Variants in SPRED1 observed in about 807,000 individuals in gnomAD.
The protein encoded by SPRED1 is sprouty-related, EVH1 domain-containing protein 1.
Under a neutral mutation model 52.3 loss-of-function variants are expected in SPRED1, and 18 were observed. The ratio of observed to expected loss-of-function variants is 0.34; its 90% CI spans 0.24 to 0.51. SPRED1 has a LOEUF of 0.51. SPRED1 is among the 20% of genes least tolerant of loss of function. The probability of loss-of-function intolerance (pLI) is 0.97; values close to 1 mark genes in which losing one functional copy is unlikely to be tolerated. For missense variants in SPRED1, 485 were observed against 551.0 expected (o/e 0.88, Z 1.20); for synonymous variants, 155 against 179.7 (o/e 0.86, Z 1.10).
At chr15:38,288,876 A>T (rs1220936871) in intron 1 of SPRED1, among the ~76,000 whole-genome samples, 1 of 152,182 alleles carries the variant, frequency 6.6e-6, no homozygotes, top group African/African-American at 2.4e-5. Context: ...AGGCTACATT[A>T]TCTGCAGTGA....
At chr15:38,269,015 C>G (rs895347507) in intron 1 of SPRED1, among the ~76,000 whole-genome samples, 2 of 149,534 alleles carry the variant, frequency 1.3e-5, no homozygotes, top group Admixed American at 1.3e-4. Context: ...ATCTCGGCTA[C>G]TGCAAGCCCC....
chr15:38,276,087 C>CA (rs1438271103), intron 1 of SPRED1, among the ~76,000 whole-genome samples: 3 of 151,886 alleles, frequency 2.0e-5, no homozygotes, highest in African/African-American at 7.3e-5. Context: ...TATTTCAATG[C>CA]AAAAAATAGT....
chr15:38,278,829 T>TTTTTTTTTG (rs1484861683), intron 1 of SPRED1, among the ~76,000 whole-genome samples: 1 of 9,890 alleles, frequency 1.0e-4, no homozygotes, highest in Non-Finnish European at 5.5e-4. Context: ...AACTACACTG[T>TTTTTTTTTG]TTTTTTTTTT....
At chr15:38,263,093 TG>T (rs1447367157) in intron 1 of SPRED1, among the ~76,000 whole-genome samples, 1 of 152,158 alleles carries the variant, frequency 6.6e-6, no homozygotes, top group African/African-American at 2.4e-5. Context: ...TTGGAACTAT[TG>T]GGGACTCATA....
At chr15:38,289,209 G>A (rs1421790583) in intron 1 of SPRED1, among the ~76,000 whole-genome samples, 1 of 137,786 alleles carries the variant, frequency 7.3e-6, no homozygotes, top group African/African-American at 2.7e-5. Flanking sequence ...AAGAAAAACT[G>A]CAATCAGTGC....
intron 1 of SPRED1, among the ~76,000 whole-genome samples, chr15:38,286,805 T>A (rs1018054982): frequency 6.6e-6 from 1 of 152,166 alleles, no homozygotes; most frequent in Admixed American, 6.5e-5. Flanking sequence ...GTCTTTTGAT[T>A]GCCAGTTTAG....
At chr15:38,287,783 T>A (rs574254364) in intron 1 of SPRED1, among the ~76,000 whole-genome samples, 1 of 152,306 alleles carries the variant, frequency 6.6e-6, no homozygotes, top group African/African-American at 2.4e-5. Context: ...ATTTTGCCAT[T>A]TTATATCAGG....
chr15:38,315,183 T>C (rs1023389256), intron 2 of SPRED1, among the ~76,000 whole-genome samples: 5 of 151,958 alleles, frequency 3.3e-5, no homozygotes, highest in Admixed American at 3.3e-4. Context: ...AATCTGAATT[T>C]GGAATTATTA....
At chr15:38,331,875 A>G (rs937826738) in intron 4 of SPRED1, among the ~76,000 whole-genome samples, 8 of 152,224 alleles carry the variant, frequency 5.3e-5, no homozygotes, top group Non-Finnish European at 1.0e-4. Flanking sequence ...ATTTATAGGA[A>G]CTAATAATAA....
chr15:38,345,757 G>T (rs750819754), intron 5 of SPRED1, among the ~76,000 whole-genome samples: 7 of 152,164 alleles, frequency 4.6e-5, no homozygotes, highest in Non-Finnish European at 8.8e-5. Flanking sequence ...CACTTCAGTA[G>T]CCTGCCTTAC....
chr15:38,316,755 T>TTTG (rs1895491928), intron 2 of SPRED1, among the ~76,000 whole-genome samples: 1 of 146,832 alleles, frequency 6.8e-6, no homozygotes, highest in Non-Finnish European at 1.5e-5. Context: ...TATGTTTTTT[T>TTTG]TTTTTTTTTT....
At chr15:38,320,597 A>T (rs2140993600) in intron 2 of SPRED1, among the ~76,000 whole-genome samples, 1 of 152,254 alleles carries the variant, frequency 6.6e-6, no homozygotes, top group South Asian at 2.1e-4. Flanking sequence ...CATGGAAGAG[A>T]TGTGCAAGTG....
intron 2 of SPRED1, among the ~76,000 whole-genome samples, chr15:38,310,821 C>T (rs1895352055): frequency 1.3e-5 from 2 of 152,046 alleles, no homozygotes; most frequent in Non-Finnish European, 2.9e-5. Context: ...GTTCTTGTAT[C>T]CTGTTACATA....
At chr15:38,288,441 T>C (rs776476463) in intron 1 of SPRED1, among the ~76,000 whole-genome samples, 24 of 152,110 alleles carry the variant, frequency 1.6e-4, no homozygotes, top group Non-Finnish European at 2.9e-4. Flanking sequence ...TAATTTCAGA[T>C]AGTCATAGGC....
intron 1 of SPRED1, among the ~76,000 whole-genome samples, chr15:38,270,812 A>G (rs1307572113): frequency 6.6e-6 from 1 of 152,230 alleles, no homozygotes. Flanking sequence ...AAATGTATGT[A>G]TGTATGTATA....
At chr15:38,344,289 G>A (rs1471617229) in intron 5 of SPRED1, among the ~76,000 whole-genome samples, 1 of 152,182 alleles carries the variant, frequency 6.6e-6, no homozygotes, top group Non-Finnish European at 1.5e-5. Flanking sequence ...CACGGTGAAT[G>A]TAACACAGGG....
intron 1 of SPRED1, among the ~76,000 whole-genome samples, chr15:38,273,535 ATATATATATATATATATATATATG>A (rs1269996901): frequency 3.0e-4 from 1 of 3,362 alleles, no homozygotes; most frequent in Non-Finnish European, 1.3e-3. Flanking sequence ...ATATATATAT[ATATATATATATATATATATATATG>A]AATAATAGTT....
At chr15:38,277,439 A>T (rs2140961549) in intron 1 of SPRED1, among the ~76,000 whole-genome samples, 1 of 152,324 alleles carries the variant, frequency 6.6e-6, no homozygotes, top group East Asian at 1.9e-4. Context: ...GTTGCTGCAG[A>T]GGACATGATC....
chr15:38,319,624 C>T (rs555126503), intron 2 of SPRED1, among the ~76,000 whole-genome samples: 9 of 152,276 alleles, frequency 5.9e-5, no homozygotes, highest in South Asian at 2.1e-4. Context: ...TTGATCCACC[C>T]GCCTCAGCCT....
Sources: allele counts gnomAD v4.1 joint callset (sites outside exome capture counted in the v4.1 genomes callset), GRCh38; gene constraint gnomAD v4.1.1; transcripts MANE v1.5; gene names NCBI Gene and HGNC (gene_info 2026-07-23, HGNC 2026-07-21).